The following LYPD6B variants were observed in gnomAD, a reference collection of about 807,000 sequenced individuals.
The protein encoded by LYPD6B is LY6/PLAUR domain containing 6B.
Under a neutral mutation model 22.8 loss-of-function variants are expected in LYPD6B, and 17 were observed. The observed-to-expected ratio is 0.75, with a 90% CI of 0.51 to 1.12. LYPD6B has a LOEUF of 1.12. Among genes scored for constraint, LYPD6B ranks in the 50% most tolerant of loss-of-function variants. The probability of loss-of-function intolerance (pLI) is 0.00; values close to 1 mark genes in which losing one functional copy is unlikely to be tolerated. For missense variants in LYPD6B, 221 were observed against 258.3 expected (o/e 0.86, Z 0.99); for synonymous variants, 106 against 91.6 (o/e 1.16, Z -0.90).
chr2:149,209,084 A>G (rs943764473), intron 5 of LYPD6B, among the ~76,000 whole-genome samples: 1 of 152,184 alleles, frequency 6.6e-6, no homozygotes, highest in African/African-American at 2.4e-5. Context: ...GCAGAGGCTT[A>G]GTGGGAGATG....
At chr2:149,039,260 C>T (rs571257618) in intron 1 of LYPD6B, among the ~76,000 whole-genome samples, 1 of 152,350 alleles carries the variant, frequency 6.6e-6, no homozygotes. Context: ...GCTTCACGCG[C>T]GACCAGCTTG....
intron 2 of LYPD6B, among the ~76,000 whole-genome samples, chr2:149,157,612 A>G (rs981882771): frequency 2.0e-5 from 3 of 152,200 alleles, no homozygotes; most frequent in Non-Finnish European, 2.9e-5. Flanking sequence ...TTGATGACTC[A>G]CACTGTGCCA....
chr2:149,067,499 G>T (rs1684389003), intron 1 of LYPD6B, among the ~76,000 whole-genome samples: 1 of 151,492 alleles, frequency 6.6e-6, no homozygotes, highest in Non-Finnish European at 1.5e-5. Flanking sequence ...TATATTTATT[G>T]ATAAGATTTG....
At chr2:149,148,185 T>G (rs1689156790) in intron 2 of LYPD6B, among the ~76,000 whole-genome samples, 1 of 152,230 alleles carries the variant, frequency 6.6e-6, no homozygotes, top group South Asian at 2.1e-4. Context: ...TGATTTAACA[T>G]GTCAAATCTT....
intron 2 of LYPD6B, among the ~76,000 whole-genome samples, chr2:149,138,463 A>G (rs1688495578): frequency 6.6e-6 from 1 of 152,234 alleles, no homozygotes. Context: ...GGGAAAATCC[A>G]TGTGTGACCA....
At chr2:149,116,030 C>A (rs1311440495) in intron 1 of LYPD6B, among the ~76,000 whole-genome samples, 3 of 152,154 alleles carry the variant, frequency 2.0e-5, no homozygotes, top group Admixed American at 2.0e-4. Flanking sequence ...TTAACAGTAG[C>A]CTAACATTAT....
Position 149,205,334 on chromosome 2 carries a change from C to A in LYPD6B, c.159C>A (p.Ile53=), listed in dbSNP as rs145497710. 5 of 1,613,980 alleles carry A rather than the reference C, an allele frequency of 3.1e-6. No homozygotes were observed. In the African/African-American group the frequency reaches 4.0e-5, roughly 13 times the overall value. Residue 53 remains isoleucine, a synonymous_variant, in exon 4 of 7, where the codon ATC becomes ATA. Transcript: ENST00000409642. ...CTCTCGCTATAGCTGTTGTCCAGAT[C>A]GTTATCTTCTCAGAAAGCTGGGCAT... The part of the protein sequence containing the change: ...CHALAIAVVQ[I]VIFSESWAFA...
At chr2:149,080,841 C>G (rs1256476576) in intron 1 of LYPD6B, among the ~76,000 whole-genome samples, 1 of 46,228 alleles carries the variant, frequency 2.2e-5, no homozygotes, top group African/African-American at 9.5e-5. Context: ...GACTCTATCT[C>G]AAAAAAAAAA....
chr2:149,200,288 T>C (rs923380915), intron 3 of LYPD6B, among the ~76,000 whole-genome samples: 1 of 152,228 alleles, frequency 6.6e-6, no homozygotes, highest in African/African-American at 2.4e-5. Context: ...TTTTTAGCAA[T>C]TGTGCAAGAA....
chr2:149,197,638 T>C (rs1472495179), intron 3 of LYPD6B, among the ~76,000 whole-genome samples: 1 of 152,204 alleles, frequency 6.6e-6, no homozygotes, highest in African/African-American at 2.4e-5. Context: ...ATTAGAGAAT[T>C]AAGTATCAGG....
chr2:149,056,639 C>T (rs1221341115), intron 1 of LYPD6B, among the ~76,000 whole-genome samples: 7 of 152,164 alleles, frequency 4.6e-5, no homozygotes, highest in African/African-American at 1.7e-4. Context: ...ATCTTACACA[C>T]ATGCATGCAC....
At chr2:149,147,734 G>A (rs551311266) in intron 2 of LYPD6B, among the ~76,000 whole-genome samples, 14 of 152,078 alleles carry the variant, frequency 9.2e-5, no homozygotes, top group African/African-American at 3.1e-4. Flanking sequence ...GGCTGGTCTC[G>A]AACTCCTGAC....
At chr2:149,059,369 A>G (rs1267634524) in intron 1 of LYPD6B, among the ~76,000 whole-genome samples, 1 of 152,212 alleles carries the variant, frequency 6.6e-6, no homozygotes, top group Non-Finnish European at 1.5e-5. Flanking sequence ...TAGGCCTTCA[A>G]TTCCTTCCAT....
At chr2:149,163,621 G>A (rs1690231407) in intron 3 of LYPD6B, among the ~76,000 whole-genome samples, 1 of 152,164 alleles carries the variant, frequency 6.6e-6, no homozygotes, top group African/African-American at 2.4e-5. Flanking sequence ...ATATTTCAGA[G>A]TAATTTCCCT....
chr2:149,214,350 A>G (rs948672685), intron 6 of LYPD6B, among the ~76,000 whole-genome samples, 196 bp from the exon 7 acceptor site: 9 of 152,070 alleles, frequency 5.9e-5, no homozygotes, highest in Non-Finnish European at 1.0e-4. Context: ...GACTTTCAGC[A>G]TGGTTTTTCC....
At chr2:149,093,742 C>A (rs774028422) in intron 1 of LYPD6B, among the ~76,000 whole-genome samples, 1 of 152,182 alleles carries the variant, frequency 6.6e-6, no homozygotes, top group Non-Finnish European at 1.5e-5. Flanking sequence ...GCATTTCTTG[C>A]ATATATTCAG....
chr2:149,131,753 T>C (rs1386173305), intron 2 of LYPD6B, among the ~76,000 whole-genome samples: 1 of 152,188 alleles, frequency 6.6e-6, no homozygotes, highest in Non-Finnish European at 1.5e-5. Context: ...GTCAGTCTCT[T>C]GTGTGACTGA....
intron 1 of LYPD6B, among the ~76,000 whole-genome samples, chr2:149,062,734 T>G (rs1430099749): frequency 6.6e-6 from 1 of 152,146 alleles, no homozygotes; most frequent in African/African-American, 2.4e-5. Context: ...GACAAATCGT[T>G]GCTATGCAAA....
At chr2:149,178,808 A>C (rs1013700318) in intron 3 of LYPD6B, among the ~76,000 whole-genome samples, 1 of 152,120 alleles carries the variant, frequency 6.6e-6, no homozygotes, top group African/African-American at 2.4e-5. Flanking sequence ...CTTGTCAATA[A>C]ATCTGTCAAA....
Sources: allele counts gnomAD v4.1 joint callset (sites outside exome capture counted in the v4.1 genomes callset), GRCh38; gene constraint gnomAD v4.1.1; transcripts MANE v1.5; gene names NCBI Gene and HGNC (gene_info 2026-07-23, HGNC 2026-07-21).